Variants in PRSS3 observed in about 807,000 individuals in gnomAD.
PRSS3 encodes serine protease 3, also known as trypsin-3.
A neutral mutation model predicts 20.8 loss-of-function variants in PRSS3; 14 were observed. The ratio of observed to expected loss-of-function variants is 0.67; its 90% confidence interval spans 0.44 to 1.05. PRSS3 has a LOEUF of 1.05. PRSS3 is among the 50% of genes least tolerant of loss of function. PRSS3 has a pLI of 0.00. For missense variants in PRSS3, 237 were observed against 306.4 expected (o/e 0.77, Z 1.69); for synonymous variants, 91 against 117.6 (o/e 0.77, Z 1.46).
intron 1 of PRSS3, among the ~76,000 whole-genome samples, chr9:33,751,080 G>C (rs1822672363): frequency 6.6e-6 from 1 of 152,190 alleles, no homozygotes; most frequent in African/African-American, 2.4e-5. Context: ...CCGCGAGTCA[G>C]GTCTGCCGCG....
intron 1 of PRSS3, among the ~76,000 whole-genome samples, chr9:33,759,409 G>T (rs1823082578): frequency 6.6e-6 from 1 of 152,104 alleles, no homozygotes; most frequent in African/African-American, 2.4e-5. Flanking sequence ...TGAGATCATT[G>T]CTGCAGGCAC....
intron 1 of PRSS3, among the ~76,000 whole-genome samples, chr9:33,758,992 T>C (rs1823066495): frequency 6.6e-6 from 1 of 152,216 alleles, no homozygotes; most frequent in African/African-American, 2.4e-5. Flanking sequence ...AATCATGGTA[T>C]GTATAAGGTC....
chr9:33,796,963 T>C (rs1282260200), intron 2 of PRSS3, among the ~76,000 whole-genome samples, 161 bp downstream of exon 2: 1 of 151,418 alleles, frequency 6.6e-6, no homozygotes, highest in East Asian at 1.9e-4. Context: ...GGCCAATCCA[T>C]GAAACAGCAA....
At chr9:33,760,991 C>T (rs1040855325) in intron 1 of PRSS3, among the ~76,000 whole-genome samples, 1 of 152,214 alleles carries the variant, frequency 6.6e-6, no homozygotes, top group Non-Finnish European at 1.5e-5. Context: ...ATGCCTCCCC[C>T]TCTGTGAGGC....
intron 1 of PRSS3, among the ~76,000 whole-genome samples, chr9:33,759,282 T>C (rs557961453): frequency 9.2e-5 from 14 of 152,010 alleles, no homozygotes; most frequent in Admixed American, 2.6e-4. Flanking sequence ...CATCCTCCAG[T>C]AGGGTAGTCA....
At chr9:33,772,711 T>C (rs1403377835) in intron 1 of PRSS3, among the ~76,000 whole-genome samples, 1 of 152,132 alleles carries the variant, frequency 6.6e-6, no homozygotes, top group Non-Finnish European at 1.5e-5. Context: ...AGATAAAATA[T>C]AATTTATTCA....
chr9:33,798,268 A>G (rs1825120299), intron 3 of PRSS3, 186 bp downstream of exon 3: 1 of 1,327,542 alleles, frequency 7.5e-7, no homozygotes, highest in East Asian at 2.4e-5. Flanking sequence ...TAAAATCAAG[A>G]GATAGGACAA....
intron 1 of PRSS3, among the ~76,000 whole-genome samples, chr9:33,753,303 G>C (rs1455277297): frequency 6.6e-6 from 1 of 152,002 alleles, no homozygotes. Flanking sequence ...TTAGAGCTGG[G>C]TATAACCTTA....
chr9:33,797,760 C>G lies in PRSS3; in HGVS notation c.201-69C>G, dbSNP rs559811455. ...ATCCATGAGCAGTGAGCTTGAGGAC[C>G]CTGGGGAAGGTGGGAGGGGTGCCCA... On this transcript the variant is annotated intron_variant, in intron 2 of 4. Transcript: ENST00000379405. 4 of 1,613,760 alleles carry G rather than the reference C, an allele frequency of 2.5e-6. No individual in the cohort carries two copies. The East Asian group carries it at 6.7e-5, about 27-fold the overall frequency.
intron 1 of PRSS3, among the ~76,000 whole-genome samples, chr9:33,760,683 T>G: frequency 6.8e-6 from 1 of 146,690 alleles, no homozygotes; most frequent in African/African-American, 2.5e-5. Context: ...AAGGTGGAGG[T>G]TGCAGTGAGC....
At chr9:33,795,667 A>G in intron 1 of PRSS3, 54 bp downstream of exon 1, 4 of 1,581,508 alleles carry the variant, frequency 2.5e-6, no homozygotes, top group Non-Finnish European at 3.5e-6. Context: ...TGGCAGACAC[A>G]TGCCCTGCCA....
In PRSS3 at chr9:33,795,580, C is replaced by T. The variant is rs747830019; in HGVS notation, c.7C>T (p.Pro3Ser). 5.0e-6 allele frequency: 8 copies of T among 1,614,128 alleles called. No homozygotes were observed. Among genetic ancestry groups the T allele is most frequent in the South Asian group, 2.2e-5 (2 of 91,090 alleles). The change falls in exon 1 of 5, where the codon CCA becomes TCA. Residue 3 changes from proline to serine, a missense_variant. Physicochemically the swap from Pro to Ser is moderately conservative, Grantham distance 74 (BLOSUM62 -1). Coordinates refer to ENST00000379405, the MANE Select transcript of PRSS3 (RefSeq NM_002771.4). MN[P>S]FLILAFVGAA... The stretch of plus-strand genomic sequence containing the variant: ...TCAGGCACACTCTACCACCATGAAT[C>T]CATTCCTGATCCTTGCCTTTGTGGG...
intron 1 of PRSS3, among the ~76,000 whole-genome samples, chr9:33,759,685 C>G (rs1823097555): frequency 6.6e-6 from 1 of 152,182 alleles, no homozygotes; most frequent in Non-Finnish European, 1.5e-5. Flanking sequence ...GCATGTCTGT[C>G]TATTCAGCAG....
At position 33,799,189 on chromosome 9, in the gene PRSS3, G is replaced by A; in HGVS notation, c.*9G>A. On this transcript the variant is annotated 3_prime_UTR_variant, in exon 5 of 5. Coordinates refer to ENST00000379405, the MANE Select transcript of PRSS3 (RefSeq NM_002771.4). ...TCGCTGCCAACAGCTAAAGCCCCCG[G>A]TCCCTCTGCAGTCTCTATACCAATA... 1 of 1,613,960 alleles carries A rather than the reference G, an allele frequency of 6.2e-7. No individual in the cohort carries two copies. The highest frequency in any genetic ancestry group is 8.5e-7 in the Non-Finnish European group (1 of 1,179,904).
At chr9:33,756,206 A>C (rs1342355663) in intron 1 of PRSS3, among the ~76,000 whole-genome samples, 1 of 152,102 alleles carries the variant, frequency 6.6e-6, no homozygotes, top group Non-Finnish European at 1.5e-5. Flanking sequence ...TCCTGTCCGA[A>C]TTTTGAAAAC....
Position 33,750,749 on chromosome 9 carries a change from G to A in PRSS3, c.-53+22G>A. The A allele has an allele frequency of 7.0e-7, 1 of 1,422,992 alleles. No homozygotes were observed. The highest frequency in any genetic ancestry group is 9.2e-7 in the Non-Finnish European group (1 of 1,092,678). 88.1% of individuals were successfully genotyped at this position (1,422,992 alleles called of 1,614,324 possible). ...ACAGGTCAGACGTCAGTACCCGCAG[G>A]GGGCTTGAAACTGGAGGAGGGCTCG... On this transcript the variant is annotated intron_variant, in intron 1 of 5. Coordinates refer to the PRSS3 transcript ENST00000342836. The surrounding 1 kb of genome is among the most constrained non-coding windows in gnomAD (Gnocchi z 4.8).
At chr9:33,767,550 G>A (rs537343044) in intron 1 of PRSS3, among the ~76,000 whole-genome samples, 5 of 151,322 alleles carry the variant, frequency 3.3e-5, no homozygotes, top group Admixed American at 1.3e-4. Context: ...AGGGCCGGGC[G>A]CGGTGACTCA....
intron 1 of PRSS3, among the ~76,000 whole-genome samples, chr9:33,769,197 A>C (rs1164814278): frequency 6.6e-6 from 1 of 152,216 alleles, no homozygotes; most frequent in Non-Finnish European, 1.5e-5. Flanking sequence ...GAGAGAGATA[A>C]ACTAAAAAAG....
At chr9:33,785,428 C>T (rs1294941924) in intron 1 of PRSS3, among the ~76,000 whole-genome samples, 14 of 151,852 alleles carry the variant, frequency 9.2e-5, no homozygotes, top group African/African-American at 2.9e-4. Flanking sequence ...CCGCCCGCCT[C>T]GGCCTCCCAA....
Sources: gnomAD v4.1 joint callset for allele counts (sites outside exome capture counted in the v4.1 genomes callset) on GRCh38, gnomAD v4.1.1 for gene constraint, Gnocchi (gnomAD v3.1) non-coding constraint, MANE v1.5 for transcripts, NCBI Gene and HGNC (gene_info 2026-07-23, HGNC 2026-07-21) for gene names.